Variants in CFAP91 observed in about 807,000 individuals in gnomAD.
The protein encoded by CFAP91 is cilia- and flagella-associated protein 91.
CFAP91 carries 85 observed loss-of-function variants against 95.9 expected under a neutral mutation model. That is an observed-to-expected ratio of 0.89 (90% CI 0.74 to 1.06). The LOEUF (loss-of-function observed/expected upper bound fraction) is 1.06, where lower values mean the gene tolerates loss of function less well. Ranked by LOEUF, CFAP91 falls within the 50% of genes least tolerant of loss-of-function variation. CFAP91 has a pLI of 0.00. For synonymous variants in CFAP91, 335 were observed against 327.5 expected (o/e 1.02, Z -0.25); for missense variants, 962 against 943.4 (o/e 1.02, Z -0.26).
chr3:119,757,508 A>T (rs989712723), intron 17 of CFAP91, among the ~76,000 whole-genome samples: 1 of 151,968 alleles, frequency 6.6e-6, no homozygotes, highest in South Asian at 2.1e-4. Flanking sequence ...TTAGCCAGGC[A>T]TGGTGGTGTG....
chr3:119,736,268 G>GTTTTTTTTCTTTTTTTTTTTTTTTTTT (rs1553709194), intron 10 of CFAP91, among the ~76,000 whole-genome samples: 1 of 85,326 alleles, frequency 1.2e-5, no homozygotes, highest in African/African-American at 4.9e-5. Flanking sequence ...TCTTTCTATT[G>GTTTTTTTTCTTTTTTTTTTTTTTTTTT]TTTTTTTTTT....
chr3:119,725,499 A>C (rs2053765553), intron 6 of CFAP91, among the ~76,000 whole-genome samples: 1 of 152,228 alleles, frequency 6.6e-6, no homozygotes, highest in African/African-American at 2.4e-5. Context: ...CACACCTGTA[A>C]TCCCAACACT....
chr3:119,711,607 T>G (rs1402661485), intron 5 of CFAP91, among the ~76,000 whole-genome samples: 1 of 152,220 alleles, frequency 6.6e-6, no homozygotes, highest in South Asian at 2.1e-4. Context: ...TCTATCTGTC[T>G]TAGAACTTTT....
intron 17 of CFAP91, among the ~76,000 whole-genome samples, chr3:119,760,520 A>G (rs2054519875): frequency 6.6e-6 from 1 of 151,800 alleles, no homozygotes; most frequent in Non-Finnish European, 1.5e-5. Context: ...CTTACACTAC[A>G]CCTTAGACCA....
chr3:119,759,215 A>C (rs1301810696), intron 17 of CFAP91, among the ~76,000 whole-genome samples: 1 of 152,072 alleles, frequency 6.6e-6, no homozygotes, highest in African/African-American at 2.4e-5. Context: ...AATAATCCAC[A>C]GTATGAATTT....
chr3:119,721,465 G>A (rs985207404), intron 6 of CFAP91, among the ~76,000 whole-genome samples: 1 of 152,222 alleles, frequency 6.6e-6, no homozygotes, highest in Non-Finnish European at 1.5e-5. Flanking sequence ...ACGTAGAGGA[G>A]ATCTTAGCCC....
chr3:119,727,143 G>A (rs754524801), intron 7 of CFAP91, among the ~76,000 whole-genome samples: 1 of 152,182 alleles, frequency 6.6e-6, no homozygotes, highest in Non-Finnish European at 1.5e-5. Context: ...CTGTGCTGAC[G>A]CACTTTATTG....
intron 4 of CFAP91, 135 bp from the exon 5 acceptor site, chr3:119,709,704 G>A (rs2053439670): frequency 1.4e-6 from 1 of 689,748 alleles, no homozygotes; most frequent in Admixed American, 2.7e-5. Context: ...TTTATGTCCA[G>A]AAGTTTGAGT....
intron 5 of CFAP91, 192 bp downstream of exon 5, chr3:119,710,087 C>T: frequency 1.8e-6 from 1 of 569,580 alleles, no homozygotes; most frequent in Admixed American, 3.3e-5. Context: ...ATAACCAAAG[C>T]ATCAAGTATA....
At chr3:119,708,783 A>G (rs558059850) in intron 4 of CFAP91, 109 bp downstream of exon 4, 14 of 651,816 alleles carry the variant, frequency 2.1e-5, no homozygotes, top group South Asian at 1.6e-4. Flanking sequence ...GCCAGACTCT[A>G]TTTTAAGTGC....
At chr3:119,714,313 C>G (rs2053533180) in intron 5 of CFAP91, among the ~76,000 whole-genome samples, 1 of 150,528 alleles carries the variant, frequency 6.6e-6, no homozygotes, top group African/African-American at 2.5e-5. Context: ...TTGCAGTGAG[C>G]CGAGATCGCG....
At chr3:119,716,905 A>T (rs1032937172) in intron 6 of CFAP91, among the ~76,000 whole-genome samples, 4 of 152,188 alleles carry the variant, frequency 2.6e-5, no homozygotes, top group African/African-American at 9.7e-5. Context: ...CCCGTACTTT[A>T]AAGCAGAGGC....
At chr3:119,746,024 G>C (rs1421392706) in intron 14 of CFAP91, among the ~76,000 whole-genome samples, 1 of 152,222 alleles carries the variant, frequency 6.6e-6, no homozygotes, top group Admixed American at 6.5e-5. Context: ...CTGTTGAGGA[G>C]ACAGCATACA....
At chr3:119,735,968 CT>C (rs879417737) in intron 10 of CFAP91, among the ~76,000 whole-genome samples, 2,560 of 146,202 alleles carry the variant, frequency 0.018, 57 homozygotes, top group African/African-American at 0.058. Context: ...GCCTGAAGAA[CT>C]TTTTTTTTTT....
chr3:119,709,819 T>C lies in CFAP91; in HGVS notation c.444-20T>C. Reference sequence around the variant, plus strand: ...TCATTGCAAAAGTCCCACACATTTATGTTTTCTTTTTCCTCCCAGGCCTTT... The same window carrying C: ...TCATTGCAAAAGTCCCACACATTTACGTTTTCTTTTTCCTCCCAGGCCTTT... On this transcript the variant is annotated intron_variant, in intron 4 of 17. Coordinates refer to ENST00000273390, the MANE Select transcript of CFAP91 (RefSeq NM_033364.4). The C allele has an allele frequency of 6.3e-7, 1 of 1,590,830 alleles. No homozygotes were observed. The highest frequency in any genetic ancestry group is 1.1e-5 in the South Asian group (1 of 90,546).
rs1411294089 is a variant in CFAP91, at chr3:119,765,933, T to C, written c.*883T>C. The C allele has an allele frequency of 6.6e-6, 1 of 152,092 alleles. No individual in the cohort carries two copies. Among genetic ancestry groups the C allele is most frequent in the Non-Finnish European group, 1.5e-5 (1 of 68,008 alleles). The allele number at this position is 152,092 out of a possible 1,614,324, so 9.4% of individuals were successfully genotyped here. On this transcript the variant is annotated 3_prime_UTR_variant, in exon 18 of 18. Coordinates refer to ENST00000273390, the MANE Select transcript of CFAP91 (RefSeq NM_033364.4). ...AGAAACATTTGCTGAGTGTTTTTAA[T>C]AGGAGTCAAAAAGAAAGGGTCTTTT...
At chr3:119,751,936 T>A (rs1466414825) in intron 17 of CFAP91, among the ~76,000 whole-genome samples, 1 of 152,170 alleles carries the variant, frequency 6.6e-6, no homozygotes, top group African/African-American at 2.4e-5. Context: ...TAGGTATACA[T>A]TCCTCCCAGT....
At chr3:119,761,869 C>G (rs1318367774) in intron 17 of CFAP91, among the ~76,000 whole-genome samples, 1 of 151,796 alleles carries the variant, frequency 6.6e-6, no homozygotes, top group Admixed American at 6.6e-5. Context: ...TATGACAAAC[C>G]CACAACTAAC....
Position 119,747,886 on chromosome 3 carries a change from C to T in CFAP91, c.2127C>T (p.Tyr709=), listed in dbSNP as rs755383742. The change falls in exon 16 of 18, where the codon TAC becomes TAT. Residue 709 remains tyrosine, a synonymous_variant. Coordinates refer to ENST00000273390, the MANE Select transcript of CFAP91 (RefSeq NM_033364.4). Reference sequence around the variant, plus strand: ...TTCTGATCCCAGAGGTGCAAAAATACTTTGTCAAAGAAAAAGGTAAGCCAA... The same window carrying T: ...TTCTGATCCCAGAGGTGCAAAAATATTTTGTCAAAGAAAAAGGTAAGCCAA... ...YSFLIPEVQK[Y]FVKEKVRNAQ... 1 of 1,612,414 alleles carries T rather than the reference C, an allele frequency of 6.2e-7. No individual in the cohort carries two copies. Among genetic ancestry groups the T allele is most frequent in the South Asian group, 1.1e-5 (1 of 90,902 alleles).
Sources: allele counts gnomAD v4.1 joint callset (sites outside exome capture counted in the v4.1 genomes callset), GRCh38; gene constraint gnomAD v4.1.1; transcripts MANE v1.5; gene names NCBI Gene and HGNC (gene_info 2026-07-23, HGNC 2026-07-21).